The following ARHGEF7 variants were observed in gnomAD, a reference collection of about 807,000 sequenced individuals.
The protein encoded by ARHGEF7 is Rho guanine nucleotide exchange factor 7, also known as PAK-interacting exchange factor beta.
A neutral mutation model predicts 109.8 loss-of-function variants in ARHGEF7; 33 were observed. That is an observed-to-expected ratio of 0.30 (90% CI 0.23 to 0.40). The LOEUF is 0.40. Among genes scored for constraint, ARHGEF7 ranks in the 10% least tolerant of loss-of-function variants. The pLI is 1.00. For synonymous variants in ARHGEF7, 458 were observed against 424.6 expected, an observed-to-expected ratio of 1.08 and a Z score of -0.97; for missense variants, 938 against 1,098.5, an observed-to-expected ratio of 0.85 and a Z score of 2.07.
chr13:111,277,155 T>C (rs151143274), intron 12 of ARHGEF7, among the ~76,000 whole-genome samples: 1 of 152,294 alleles, frequency 6.6e-6, no homozygotes, highest in African/African-American at 2.4e-5. Flanking sequence ...CCTGACCCCA[T>C]TAAAATTTAT....
At chr13:111,301,206 C>A (rs1041824912) in intron 20 of ARHGEF7, among the ~76,000 whole-genome samples, 3 of 152,178 alleles carry the variant, frequency 2.0e-5, no homozygotes, top group Non-Finnish European at 4.4e-5. Context: ...GCCTCGGCCT[C>A]CCAAAATGCT....
In ARHGEF7 at chr13:111,239,149, A is replaced by G. The variant is rs1186534710; in HGVS notation, c.760-4723A>G. On this transcript the variant is annotated intron_variant, in intron 6 of 21. Coordinates refer to ENST00000646102, the MANE Select transcript of ARHGEF7 (RefSeq NM_001354046.2). The surrounding 1 kb of genome is among the most constrained non-coding windows in gnomAD (Gnocchi z 4.3). ...TGCTCCCCCACACCCCCGTGCCATG[A>G]TTCAGTTACCTCCACCCTGTCCCGC... is the stretch of plus-strand genomic sequence containing the variant. Among the ~76,000 whole-genome samples the G allele has an allele frequency of 6.6e-6, 1 of 152,114 alleles. No homozygotes were observed. The highest frequency in any genetic ancestry group is 1.5e-5 in the Non-Finnish European group (1 of 68,010).
intron 3 of ARHGEF7, among the ~76,000 whole-genome samples, chr13:111,208,576 A>T (rs1441559662): frequency 6.6e-6 from 1 of 152,054 alleles, no homozygotes; most frequent in East Asian, 1.9e-4. Context: ...CTTGTATGAG[A>T]ATTTCCTGGA....
intron 2 of ARHGEF7, among the ~76,000 whole-genome samples, chr13:111,202,882 CAG>C (rs909752315): frequency 5.9e-5 from 9 of 152,350 alleles, no homozygotes; most frequent in Non-Finnish European, 7.3e-5. Flanking sequence ...TTCCCCCTCT[CAG>C]GGGTAAGGAT....
chr13:111,158,344 G>T (rs565984165), intron 2 of ARHGEF7, among the ~76,000 whole-genome samples: 9 of 152,168 alleles, frequency 5.9e-5, no homozygotes, highest in Non-Finnish European at 1.0e-4. Context: ...GTTGCCAAGA[G>T]GGAATAAAGC....
At chr13:111,136,921 C>T (rs2075115376) in intron 1 of ARHGEF7, among the ~76,000 whole-genome samples, 1 of 152,108 alleles carries the variant, frequency 6.6e-6, no homozygotes, top group Admixed American at 6.5e-5. Context: ...ATATCATCAC[C>T]GATCCCACAG....
At chr13:111,185,618 A>G (rs2079166605) in intron 2 of ARHGEF7, among the ~76,000 whole-genome samples, 1 of 152,218 alleles carries the variant, frequency 6.6e-6, no homozygotes, top group Admixed American at 6.5e-5. Flanking sequence ...AGCCCAAGCC[A>G]GTGTGTTGCA....
chr13:111,230,139 A>C (rs1405391902), intron 5 of ARHGEF7, among the ~76,000 whole-genome samples: 1 of 151,620 alleles, frequency 6.6e-6, no homozygotes, highest in African/African-American at 2.4e-5. Flanking sequence ...TCTATATTTA[A>C]ATTTTCTTGT....
At position 111,305,668 on chromosome 13, in the gene ARHGEF7, G is replaced by A. The variant is rs1460550168; in HGVS notation, c.*2555G>A. ...TAAATGTCACAGACAATGTCCTAGT[G>A]TTGACTACTACAATGTTGATGCTAC... On this transcript the variant is annotated 3_prime_UTR_variant, in exon 22 of 22. Transcript: ENST00000646102. 6.6e-6 allele frequency: 1 copy of A among 152,216 alleles called. No individual in the cohort carries two copies. Among genetic ancestry groups the A allele is most frequent in the Non-Finnish European group, 1.5e-5 (1 of 68,048 alleles). 9.4% of individuals were successfully genotyped at this position (152,216 alleles called of 1,614,324 possible).
rs79745174 is a variant in ARHGEF7, at chr13:111,209,360, G to C, written c.338-512G>C. Reference sequence around the variant, plus strand: ...CAACTTCATGAGGTGAGTAGAGCCTGTGCTGCCTTAGTGTTGGGGAAATAA... The same window carrying C: ...CAACTTCATGAGGTGAGTAGAGCCTCTGCTGCCTTAGTGTTGGGGAAATAA... On this transcript the variant is annotated intron_variant, in intron 3 of 21. Transcript: ENST00000646102. 609 of 152,786 alleles carry C rather than the reference G, an allele frequency of 4.0e-3. 2 individuals are homozygous for C. Among genetic ancestry groups the C allele is most frequent in the African/African-American group, 0.013 (545 of 41,566 alleles). The allele number at this position is 152,786 out of a possible 1,614,324, so 9.5% of individuals were successfully genotyped here.
At chr13:111,220,500 C>T (rs535105890) in intron 5 of ARHGEF7, among the ~76,000 whole-genome samples, 13 of 152,250 alleles carry the variant, frequency 8.5e-5, no homozygotes, top group South Asian at 8.3e-4. Flanking sequence ...AAGGAAATTA[C>T]GCTGAAAAGA....
At chr13:111,261,411 G>A (rs564613263) in intron 8 of ARHGEF7, among the ~76,000 whole-genome samples, 1 of 152,264 alleles carries the variant, frequency 6.6e-6, no homozygotes, top group South Asian at 2.1e-4. Context: ...TCAGCAAGAG[G>A]ATATAGCAGT....
chr13:111,243,068 T>C (rs1347397377), intron 6 of ARHGEF7, among the ~76,000 whole-genome samples: 1 of 152,248 alleles, frequency 6.6e-6, no homozygotes, highest in East Asian at 1.9e-4. Context: ...ATAATTATTC[T>C]GCTATCTTTA....
intron 1 of ARHGEF7, among the ~76,000 whole-genome samples, chr13:111,123,869 C>G (rs1006662400): frequency 6.9e-6 from 1 of 145,796 alleles, no homozygotes; most frequent in East Asian, 2.0e-4. Flanking sequence ...TGCGCCCCCC[C>G]CCCCCGGCCC....
intron 8 of ARHGEF7, among the ~76,000 whole-genome samples, chr13:111,250,574 C>T (rs2089616974): frequency 6.6e-6 from 1 of 152,164 alleles, no homozygotes; most frequent in Non-Finnish European, 1.5e-5. Flanking sequence ...GAGGTTTTTC[C>T]TCACACCAGC....
chr13:111,136,169 T>C (rs1454585860), intron 1 of ARHGEF7, among the ~76,000 whole-genome samples: 1 of 152,224 alleles, frequency 6.6e-6, no homozygotes, highest in African/African-American at 2.4e-5. Context: ...GTGGATAAGC[T>C]TTTTGATGTG....
intron 2 of ARHGEF7, among the ~76,000 whole-genome samples, chr13:111,191,725 C>T (rs2079912989): frequency 6.6e-6 from 1 of 151,800 alleles, no homozygotes; most frequent in South Asian, 2.1e-4. Flanking sequence ...TATGAGGTAT[C>T]CAAGGAAGCA....
intron 2 of ARHGEF7, among the ~76,000 whole-genome samples, chr13:111,173,885 T>A (rs1328676489): frequency 6.6e-6 from 1 of 152,208 alleles, no homozygotes; most frequent in African/African-American, 2.4e-5. Context: ...ATCAGGCTGC[T>A]TAACTGCTTG....
chr13:111,267,477 AT>A, intron 8 of ARHGEF7, 70 bp from the exon 9 acceptor site: 2 of 1,588,272 alleles, frequency 1.3e-6, no homozygotes, highest in Non-Finnish European at 1.7e-6. Flanking sequence ...AGAGTATTAT[AT>A]GTCTGTCAGT....
Sources: allele counts gnomAD v4.1 joint callset (sites outside exome capture counted in the v4.1 genomes callset), GRCh38; gene constraint gnomAD v4.1.1; non-coding constraint Gnocchi (gnomAD v3.1); transcripts MANE v1.5; gene names NCBI Gene and HGNC (gene_info 2026-07-23, HGNC 2026-07-21).